Variants in FBXL17 observed in about 807,000 individuals in gnomAD.
The protein encoded by FBXL17 is F-box/LRR-repeat protein 17.
Under a neutral mutation model 66.2 loss-of-function variants are expected in FBXL17, and 22 were observed. The observed-to-expected ratio is 0.33, with a 90% confidence interval of 0.24 to 0.47. The LOEUF (loss-of-function observed/expected upper bound fraction) is 0.47, where lower values mean the gene tolerates loss of function less well. Among genes scored for constraint, FBXL17 ranks in the 20% least tolerant of loss-of-function variants. FBXL17 has a pLI of 1.00. For synonymous variants in FBXL17, 474 were observed against 400.5 expected, an observed-to-expected ratio of 1.18 and a Z score of -2.19; for missense variants, 878 against 948.2, an observed-to-expected ratio of 0.93 and a Z score of 0.97.
intron 6 of FBXL17, among the ~76,000 whole-genome samples, chr5:108,106,634 C>G (rs1394246273): frequency 1.3e-5 from 2 of 151,970 alleles, no homozygotes; most frequent in Non-Finnish European, 2.9e-5. Flanking sequence ...ATGAAAAAAG[C>G]CAAACATAAA....
At chr5:108,285,844 C>A (rs1428236310) in intron 4 of FBXL17, among the ~76,000 whole-genome samples, 4 of 149,532 alleles carry the variant, frequency 2.7e-5, no homozygotes, top group East Asian at 2.0e-4. Context: ...AAAAAAAAAA[C>A]AAACTTCAGG....
At chr5:107,896,108 T>A (rs1179785561) in intron 7 of FBXL17, among the ~76,000 whole-genome samples, 1 of 152,072 alleles carries the variant, frequency 6.6e-6, no homozygotes, top group Admixed American at 6.6e-5. Context: ...TACTGGACAG[T>A]CATGACTGTA....
At chr5:108,319,846 T>C (rs537405374) in intron 4 of FBXL17, among the ~76,000 whole-genome samples, 228 of 151,836 alleles carry the variant, frequency 1.5e-3, no homozygotes, top group African/African-American at 5.3e-3. Flanking sequence ...TCAGCAGCAA[T>C]CTTTTTTCTC....
chr5:107,955,830 T>C (rs958071686), intron 7 of FBXL17, among the ~76,000 whole-genome samples: 3 of 152,194 alleles, frequency 2.0e-5, no homozygotes, highest in East Asian at 1.9e-4. Flanking sequence ...TACTAATTAA[T>C]ATCATGTCTA....
At position 108,145,159 on chromosome 5, in the gene FBXL17, A is replaced by G. The variant is rs192677523; in HGVS notation, c.1745+40958T>C. Among the ~76,000 whole-genome samples, 468 of 152,292 alleles carry G rather than the reference A, an allele frequency of 3.1e-3. 11 individuals are homozygous for G. The highest frequency in any genetic ancestry group is 0.028 in the Admixed American group (428 of 15,298). ...ATACTCTAGTTTATAACACTTGCCA[A>G]TGATGGATTGAGGAATATAATTTAG... On this transcript the variant is annotated intron_variant, in intron 6 of 8. Coordinates refer to ENST00000542267, the MANE Select transcript of FBXL17 (RefSeq NM_001163315.3).
intron 6 of FBXL17, among the ~76,000 whole-genome samples, chr5:108,158,249 CA>C (rs1464876297): frequency 6.6e-6 from 1 of 151,934 alleles, no homozygotes; most frequent in Non-Finnish European, 1.5e-5. Context: ...TTAAAGTGTA[CA>C]AAAAGTATAT....
chr5:107,965,416 T>C lies in FBXL17; in HGVS notation c.1822+55509A>G, dbSNP rs193072784. 2.5e-4 allele frequency among the ~76,000 whole-genome samples: 38 copies of C among 152,262 alleles called. 1 individual carries two copies. The highest frequency in any genetic ancestry group is 2.4e-3 in the Admixed American group (36 of 15,266). ...GCAGAATTCTCCTGAAAAATACCTA[T>C]TATAACAATGCCTGTTAAATCAATT... On this transcript the variant is annotated intron_variant, in intron 7 of 8. Coordinates refer to ENST00000542267, the MANE Select transcript of FBXL17 (RefSeq NM_001163315.3).
intron 4 of FBXL17, among the ~76,000 whole-genome samples, chr5:108,228,240 T>G (rs1056976829): frequency 6.6e-6 from 1 of 152,136 alleles, no homozygotes; most frequent in Non-Finnish European, 1.5e-5. Context: ...AGGAGACTAA[T>G]AAAAGGGCCT....
intron 6 of FBXL17, among the ~76,000 whole-genome samples, chr5:108,102,773 T>C (rs980593558): frequency 6.6e-6 from 1 of 152,170 alleles, no homozygotes; most frequent in South Asian, 2.1e-4. Context: ...TCAGAAATAA[T>C]GCCTCCATGT....
chr5:108,084,663 G>C (rs1748905809), intron 6 of FBXL17, among the ~76,000 whole-genome samples: 1 of 152,140 alleles, frequency 6.6e-6, no homozygotes, highest in Non-Finnish European at 1.5e-5. Flanking sequence ...CAGTCTAATG[G>C]TAAAAAGGTT....
At chr5:108,358,772 T>C (rs1748156681) in intron 3 of FBXL17, among the ~76,000 whole-genome samples, 1 of 152,204 alleles carries the variant, frequency 6.6e-6, no homozygotes, top group African/African-American at 2.4e-5. Context: ...AATTCTTCTT[T>C]AAATATTTGA....
intron 4 of FBXL17, among the ~76,000 whole-genome samples, chr5:108,261,784 G>GC (rs141084383): frequency 0.043 from 6,538 of 151,654 alleles, 762 homozygotes; most frequent in East Asian, 0.39. Context: ...AAAACAAAGA[G>GC]CACCCACAAC....
At chr5:108,157,355 C>G (rs573946952) in intron 6 of FBXL17, among the ~76,000 whole-genome samples, 2 of 151,770 alleles carry the variant, frequency 1.3e-5, no homozygotes, top group South Asian at 4.2e-4. Flanking sequence ...GAACAAATGT[C>G]CTAAAATTCT....
Position 108,353,518 on chromosome 5 carries a change from A to G in FBXL17, c.1375-4988T>C, listed in dbSNP as rs541401557. On this transcript the variant is annotated intron_variant, in intron 3 of 8. Transcript: ENST00000542267. ...ACTGGAGAGAAATCACCTCATGCATACAGCAATGAGAGGAGAAAAGTAACC... is the reference window on the plus strand; with the variant it reads ...ACTGGAGAGAAATCACCTCATGCATGCAGCAATGAGAGGAGAAAAGTAACC... 1.2e-4 allele frequency among the ~76,000 whole-genome samples: 18 copies of G among 152,352 alleles called. No individual in the cohort carries two copies. In the South Asian group the frequency reaches 3.3e-3, roughly 28 times the overall value.
chr5:107,871,313 T>C (rs1249646907), intron 8 of FBXL17, among the ~76,000 whole-genome samples: 1 of 152,156 alleles, frequency 6.6e-6, no homozygotes, highest in African/African-American at 2.4e-5. Flanking sequence ...TTCTATTCAC[T>C]TGAATTAGCA....
At chr5:108,334,246 T>C (rs1328075285) in intron 4 of FBXL17, among the ~76,000 whole-genome samples, 1 of 152,224 alleles carries the variant, frequency 6.6e-6, no homozygotes, top group Admixed American at 6.5e-5. Context: ...TAATTCACTG[T>C]ACATCAAAGA....
intron 5 of FBXL17, among the ~76,000 whole-genome samples, chr5:108,212,441 G>T (rs898135292): frequency 6.6e-6 from 1 of 152,152 alleles, no homozygotes; most frequent in African/African-American, 2.4e-5. Flanking sequence ...CAGCCTTTTT[G>T]TGCTGGTTTC....
At chr5:108,372,542 C>A (rs938353710) in intron 1 of FBXL17, among the ~76,000 whole-genome samples, 1 of 152,026 alleles carries the variant, frequency 6.6e-6, no homozygotes, top group Admixed American at 6.6e-5. Flanking sequence ...AAATGCAACT[C>A]GTGAAAAGGA....
At chr5:108,258,931 G>A (rs1756694486) in intron 4 of FBXL17, among the ~76,000 whole-genome samples, 1 of 152,044 alleles carries the variant, frequency 6.6e-6, no homozygotes, top group African/African-American at 2.4e-5. Context: ...GATAAAGCTA[G>A]ACATAATAAA....
Sources: allele counts gnomAD v4.1 joint callset (sites outside exome capture counted in the v4.1 genomes callset), GRCh38; gene constraint gnomAD v4.1.1; transcripts MANE v1.5; gene names NCBI Gene and HGNC (gene_info 2026-07-23, HGNC 2026-07-21).